The following ELOVL7 variants were observed in gnomAD, a reference collection of about 807,000 sequenced individuals.
The protein encoded by ELOVL7 is very long chain fatty acid elongase 7.
ELOVL7 carries 27 observed loss-of-function variants against 35.7 expected under a neutral mutation model. That is an observed-to-expected ratio of 0.76 (90% CI 0.56 to 1.04). The LOEUF is 1.04. Ranked by LOEUF, ELOVL7 falls within the 50% of genes least tolerant of loss-of-function variation. The pLI, the probability that ELOVL7 is intolerant of heterozygous loss-of-function variation, is 0.00. For missense variants in ELOVL7, 327 were observed against 340.8 expected, an observed-to-expected ratio of 0.96 and a Z score of 0.32; for synonymous variants, 113 against 114.6, an observed-to-expected ratio of 0.99 and a Z score of 0.09.
chr5:60,834,731 G>A (rs529017273), intron 1 of ELOVL7, among the ~76,000 whole-genome samples: 13 of 152,230 alleles, frequency 8.5e-5, no homozygotes, highest in East Asian at 3.9e-4. Flanking sequence ...ACACTATAGC[G>A]TAAACTATTA....
intron 1 of ELOVL7, among the ~76,000 whole-genome samples, chr5:60,815,828 T>A (rs1745485299): frequency 6.6e-6 from 1 of 152,194 alleles, no homozygotes; most frequent in Admixed American, 6.5e-5. Context: ...TCTTTAGGTT[T>A]GCTAAAGCCA....
intron 2 of ELOVL7, among the ~76,000 whole-genome samples, chr5:60,789,994 G>A (rs570986662): frequency 8.5e-5 from 13 of 152,092 alleles, no homozygotes; most frequent in South Asian, 6.2e-4. Flanking sequence ...AAAATTAGCC[G>A]GGCATGGTGG....
At chr5:60,819,394 C>T (rs1329201678) in intron 1 of ELOVL7, among the ~76,000 whole-genome samples, 1 of 152,092 alleles carries the variant, frequency 6.6e-6, no homozygotes, top group Non-Finnish European at 1.5e-5. Flanking sequence ...CGTGATCTAT[C>T]TCGGTTCCCA....
At chr5:60,786,896 T>C (rs1487525587) in intron 3 of ELOVL7, among the ~76,000 whole-genome samples, 1 of 151,000 alleles carries the variant, frequency 6.6e-6, no homozygotes, top group Non-Finnish European at 1.5e-5. Flanking sequence ...GAGGCGGAGG[T>C]TGCAGTGAGC....
chr5:60,792,485 A>T (rs1743996953), intron 2 of ELOVL7, among the ~76,000 whole-genome samples: 1 of 152,202 alleles, frequency 6.6e-6, no homozygotes, highest in Non-Finnish European at 1.5e-5. Flanking sequence ...AAGTATAATG[A>T]TACCCCTAGA....
At chr5:60,796,278 G>C (rs909842774) in intron 2 of ELOVL7, among the ~76,000 whole-genome samples, 2 of 152,174 alleles carry the variant, frequency 1.3e-5, no homozygotes, top group Non-Finnish European at 2.9e-5. Context: ...AGGCTGTGAG[G>C]CTGGAGGAAA....
At chr5:60,801,322 T>C (rs1417940188) in intron 1 of ELOVL7, among the ~76,000 whole-genome samples, 1 of 151,884 alleles carries the variant, frequency 6.6e-6, no homozygotes, top group African/African-American at 2.4e-5. Flanking sequence ...ACAGCAATTA[T>C]GCAAAAAAGA....
At chr5:60,760,894 T>G (rs964849448) in intron 7 of ELOVL7, among the ~76,000 whole-genome samples, 1 of 152,180 alleles carries the variant, frequency 6.6e-6, no homozygotes, top group East Asian at 1.9e-4. Flanking sequence ...TATCCTAAAA[T>G]GAGGATCTTA....
intron 1 of ELOVL7, among the ~76,000 whole-genome samples, chr5:60,828,013 AC>A (rs11324093): frequency 0.81 from 123,354 of 151,846 alleles, 50,310 homozygotes; most frequent in East Asian, 0.91. Context: ...CACATTTTAC[AC>A]CCCTAGTTCC....
At chr5:60,797,860 TG>T (rs1744359113) in intron 2 of ELOVL7, among the ~76,000 whole-genome samples, 1 of 152,240 alleles carries the variant, frequency 6.6e-6, no homozygotes, top group East Asian at 1.9e-4. Flanking sequence ...AGGGCAAACC[TG>T]CCCCCAATTC....
intron 1 of ELOVL7, among the ~76,000 whole-genome samples, chr5:60,813,335 A>G (rs545859153): frequency 1.3e-5 from 2 of 152,308 alleles, no homozygotes; most frequent in Admixed American, 6.5e-5. Flanking sequence ...GTGTATTACT[A>G]TAACTGGGCC....
chr5:60,792,576 T>G (rs1488898900), intron 2 of ELOVL7, among the ~76,000 whole-genome samples: 1 of 152,104 alleles, frequency 6.6e-6, no homozygotes, highest in South Asian at 2.1e-4. Context: ...CACATAAAGA[T>G]AGGAGGCAAG....
chr5:60,833,949 T>C (rs1014910000), intron 1 of ELOVL7, among the ~76,000 whole-genome samples: 3 of 152,224 alleles, frequency 2.0e-5, no homozygotes, highest in African/African-American at 4.8e-5. Flanking sequence ...CAGAAAAGAA[T>C]AACTATACTT....
chr5:60,822,835 T>C (rs1167215028), intron 1 of ELOVL7, among the ~76,000 whole-genome samples: 2 of 151,628 alleles, frequency 1.3e-5, no homozygotes, highest in East Asian at 3.9e-4. Flanking sequence ...GTGGGAAAAA[T>C]TCTGAAGAGG....
At chr5:60,757,446 C>T in intron 8 of ELOVL7, 63 bp downstream of exon 8, 1 of 1,524,902 alleles carries the variant, frequency 6.6e-7, no homozygotes, top group Non-Finnish European at 9.0e-7. Flanking sequence ...TATCCTAATT[C>T]ACAGTGAAAA....
In ELOVL7 at chr5:60,777,908, G is replaced by T. The variant is rs76970267; in HGVS notation, c.65-5815C>A. 2.6e-3 allele frequency among the ~76,000 whole-genome samples: 391 copies of T among 152,294 alleles called. 2 individuals are homozygous for T. The highest frequency in any genetic ancestry group is 9.1e-3 in the African/African-American group (379 of 41,556). On this transcript the variant is annotated intron_variant, in intron 3 of 8. Coordinates refer to ENST00000508821, the MANE Select transcript of ELOVL7 (RefSeq NM_024930.3). ...ATGCCACTACATTTAACAAAAGGAC[G>T]TCTCTGATGCTCTCAGCAGAATAAT...
intron 5 of ELOVL7, 151 bp from the exon 6 acceptor site, chr5:60,766,781 T>G (rs977369653): frequency 4.9e-6 from 3 of 613,030 alleles, no homozygotes; most frequent in Non-Finnish European, 8.4e-6. Context: ...TTCACACTGT[T>G]GTTCAACCAT....
chr5:60,825,476 G>C (rs183376591), intron 1 of ELOVL7, among the ~76,000 whole-genome samples: 1 of 152,030 alleles, frequency 6.6e-6, no homozygotes, highest in Admixed American at 6.6e-5. Flanking sequence ...CTTGTTTACC[G>C]TCTGGCCCTC....
intron 1 of ELOVL7, among the ~76,000 whole-genome samples, chr5:60,830,992 G>T (rs1345696361): frequency 6.6e-6 from 1 of 151,780 alleles, no homozygotes; most frequent in African/African-American, 2.4e-5. Context: ...GCAAGAGAAA[G>T]AGAAAAAATG....
Sources: gnomAD v4.1 joint callset for allele counts (sites outside exome capture counted in the v4.1 genomes callset) on GRCh38, gnomAD v4.1.1 for gene constraint, MANE v1.5 for transcripts, NCBI Gene and HGNC (gene_info 2026-07-23, HGNC 2026-07-21) for gene names.